The following DPYS variants were observed in gnomAD, a reference collection of about 807,000 sequenced individuals.
The protein encoded by DPYS is dihydropyrimidine amidohydrolase.
In DPYS, 39 loss-of-function variants were observed where a neutral mutation model predicts 50.3. That is an observed-to-expected ratio of 0.78 (90% CI 0.60 to 1.01). DPYS has a LOEUF of 1.01. Ranked by LOEUF, DPYS falls within the 50% of genes least tolerant of loss-of-function variation. The pLI is 0.00. For synonymous variants in DPYS, 245 were observed against 250.7 expected (o/e 0.98, Z 0.22); for missense variants, 659 against 680.9 (o/e 0.97, Z 0.36).
At chr8:104,411,226 T>C (rs1447414424) in intron 7 of DPYS, among the ~76,000 whole-genome samples, 5 of 152,236 alleles carry the variant, frequency 3.3e-5, no homozygotes, top group Non-Finnish European at 5.9e-5. Context: ...CACACATTTC[T>C]TACACACAAT....
Position 104,466,651 on chromosome 8 carries a change from G to A in DPYS, c.264+6C>T. The A allele has an allele frequency of 6.6e-7, 1 of 1,510,312 alleles. No homozygotes were observed. 93.6% of individuals were successfully genotyped at this position (1,510,312 alleles called of 1,614,324 possible). A position where few individuals can be genotyped will look rare whatever the true frequency, so the allele number is the denominator to read the frequency against. On this transcript the variant is annotated splice_donor_region_variant and intron_variant, in intron 1 of 9. Transcript: ENST00000351513. Reference sequence around the variant, plus strand: ...CCGCGGGGCGGGGGCGCGGCGGGGCGGGTACCTTGGTGCCCTGGTGGAAGT... The same window carrying A: ...CCGCGGGGCGGGGGCGCGGCGGGGCAGGTACCTTGGTGCCCTGGTGGAAGT...
intron 7 of DPYS, among the ~76,000 whole-genome samples, chr8:104,401,917 A>G (rs1314848136): frequency 6.6e-6 from 1 of 152,238 alleles, no homozygotes; most frequent in African/African-American, 2.4e-5. Context: ...CGCCTCCTGC[A>G]GAAGAGAAAA....
intron 4 of DPYS, among the ~76,000 whole-genome samples, chr8:104,442,308 T>C (rs1187304662): frequency 6.6e-6 from 1 of 152,232 alleles, no homozygotes; most frequent in Non-Finnish European, 1.5e-5. Flanking sequence ...TCTATCCCAA[T>C]GCAAAACAAA....
intron 2 of DPYS, among the ~76,000 whole-genome samples, chr8:104,450,159 AAGGG>A (rs59958002): frequency 1.0e-4 from 12 of 120,454 alleles, no homozygotes; most frequent in South Asian, 3.3e-4. Flanking sequence ...GGAAGGGAGG[AAGGG>A]AGGGAGGGAG....
chr8:104,410,245 T>C (rs995946025), intron 7 of DPYS, among the ~76,000 whole-genome samples: 3 of 152,114 alleles, frequency 2.0e-5, no homozygotes, highest in Non-Finnish European at 4.4e-5. Context: ...CATCTTGACT[T>C]ATCCCCTCCG....
chr8:104,449,991 A>C (rs893253769), intron 2 of DPYS, among the ~76,000 whole-genome samples: 9 of 152,212 alleles, frequency 5.9e-5, no homozygotes, highest in Admixed American at 1.3e-4. Context: ...TGCAATCTGC[A>C]TTTTAGCAAG....
intron 1 of DPYS, among the ~76,000 whole-genome samples, chr8:104,458,400 C>T (rs952721238): frequency 6.6e-6 from 1 of 152,204 alleles, no homozygotes; most frequent in African/African-American, 2.4e-5. Flanking sequence ...AGCACTTTCC[C>T]ATTTCAGAGA....
At position 104,447,437 on chromosome 8, in the gene DPYS, A is replaced by T; in HGVS notation, c.490T>A (p.Tyr164Asn). ...GVNSFKMFMA[Y>N]KDLYMVTDLE... ...TCTGTCACCATGTACAGATCTTTAT[A>T]GGCCATAAACATCTTGAAAGAGTTA... The change falls in exon 3 of 10, where the codon TAT (tyrosine) becomes AAT (asparagine). Residue 164 changes from tyrosine (Y) to asparagine (N), a missense_variant. Physicochemically the swap from Tyr to Asn is moderately radical, Grantham distance 143. Coordinates refer to ENST00000351513, the MANE Select transcript of DPYS (RefSeq NM_001385.3). The T allele has an allele frequency of 6.2e-7, 1 of 1,614,078 alleles. No individual in the cohort carries two copies. The highest frequency in any genetic ancestry group is 8.5e-7 in the Non-Finnish European group (1 of 1,179,994).
At chr8:104,461,986 G>C (rs976859690) in intron 1 of DPYS, among the ~76,000 whole-genome samples, 4 of 152,156 alleles carry the variant, frequency 2.6e-5, no homozygotes, top group African/African-American at 9.7e-5. Flanking sequence ...GGAGCCAAAT[G>C]TTAAAATTAT....
At chr8:104,389,222 G>A (rs1213106796) in intron 8 of DPYS, among the ~76,000 whole-genome samples, 1 of 152,204 alleles carries the variant, frequency 6.6e-6, no homozygotes, top group East Asian at 1.9e-4. Context: ...AATAGCATTT[G>A]CTATTCCTGC....
At chr8:104,381,711 C>T (rs80303947) in intron 8 of DPYS, among the ~76,000 whole-genome samples, 9,513 of 152,270 alleles carry the variant, frequency 0.062, 352 homozygotes, top group African/African-American at 0.094. Context: ...CAGATTCTAG[C>T]AATTGGGTAC....
chr8:104,463,471 T>A (rs550072727), intron 1 of DPYS, among the ~76,000 whole-genome samples: 203 of 152,294 alleles, frequency 1.3e-3, no homozygotes, highest in Non-Finnish European at 2.1e-3. Flanking sequence ...CATTATATGT[T>A]TTTTCAAAAG....
intron 3 of DPYS, among the ~76,000 whole-genome samples, chr8:104,445,893 C>T (rs896965604): frequency 6.6e-6 from 1 of 151,696 alleles, no homozygotes; most frequent in Non-Finnish European, 1.5e-5. Flanking sequence ...AAAATACAAA[C>T]AATTAGCCGG....
intron 6 of DPYS, among the ~76,000 whole-genome samples, chr8:104,426,309 C>T (rs181835731): frequency 2.0e-5 from 3 of 152,264 alleles, no homozygotes; most frequent in Admixed American, 2.0e-4. Context: ...AACCTATCCT[C>T]CCTCTATAAT....
Position 104,445,917 on chromosome 8 carries a change from C to A in DPYS, c.603+1407G>T, listed in dbSNP as rs534392702. On this transcript the variant is annotated intron_variant, in intron 3 of 9. Coordinates refer to ENST00000351513, the MANE Select transcript of DPYS (RefSeq NM_001385.3). ...ACAATTAGCCGGGCGTGGTGGCGGG[C>A]ACCTGTAGTCCCAGCTACTCGGGAG... Among the ~76,000 whole-genome samples, 10 of 152,168 alleles carry A rather than the reference C, an allele frequency of 6.6e-5. No homozygotes were observed. In the East Asian group the frequency reaches 1.9e-3, roughly 29 times the overall value.
At position 104,381,515 on chromosome 8, in the gene DPYS, C is replaced by G. The variant is rs550902641; in HGVS notation, c.1444-201G>C. On this transcript the variant is annotated intron_variant, in intron 8 of 9. Transcript: ENST00000351513. ...TGTCCCACTTTTTGTGGGTATTAATCTGCCTCAGACAGAGGCCCAGGGACA... is the reference window on the plus strand; with the variant it reads ...TGTCCCACTTTTTGTGGGTATTAATGTGCCTCAGACAGAGGCCCAGGGACA... 4.1e-5 allele frequency: 22 copies of G among 541,052 alleles called. No individual in the cohort carries two copies. In the Admixed American group the frequency reaches 4.3e-4, roughly 11 times the overall value. The allele number at this position is 541,052 out of a possible 1,614,324, so 33.5% of individuals were successfully genotyped here.
At chr8:104,399,175 C>G (rs1811694092) in intron 7 of DPYS, among the ~76,000 whole-genome samples, 1 of 151,538 alleles carries the variant, frequency 6.6e-6, no homozygotes, top group African/African-American at 2.4e-5. Flanking sequence ...GCTGTAATCC[C>G]AGCTACTCAG....
At position 104,402,396 on chromosome 8, in the gene DPYS, T is replaced by G. The variant is rs117679380; in HGVS notation, c.1236-9405A>C. On this transcript the variant is annotated intron_variant, in intron 7 of 9. Transcript: ENST00000351513. ...TGAATGTGAATCAGCCAAGCTAGCA[T>G]GATACTAGGATGTATGTCTTATGAA... Among the ~76,000 whole-genome samples the G allele has an allele frequency of 4.3e-3, 662 of 152,330 alleles. 4 individuals carry two copies. Among genetic ancestry groups the G allele is most frequent in the Non-Finnish European group, 7.4e-3 (506 of 68,028 alleles).
intron 8 of DPYS, among the ~76,000 whole-genome samples, chr8:104,386,775 G>T (rs1677668612): frequency 6.6e-6 from 1 of 151,874 alleles, no homozygotes; most frequent in South Asian, 2.1e-4. Flanking sequence ...TTATAGACAT[G>T]CACTACCACT....
Sources: allele counts gnomAD v4.1 joint callset (sites outside exome capture counted in the v4.1 genomes callset), GRCh38; gene constraint gnomAD v4.1.1; transcripts MANE v1.5; gene names NCBI Gene and HGNC (gene_info 2026-07-23, HGNC 2026-07-21).